Variants in RYR2 observed in about 807,000 individuals in gnomAD.
The protein encoded by RYR2 is cardiac muscle ryanodine receptor-calcium release channel.
Under a neutral mutation model 601.1 loss-of-function variants are expected in RYR2, and 227 were observed. The observed-to-expected ratio is 0.38, with a 90% CI of 0.34 to 0.42. The LOEUF (loss-of-function observed/expected upper bound fraction) is 0.42. Ranked by LOEUF, RYR2 falls within the 10% of genes least tolerant of loss-of-function variation. RYR2 has a pLI of 1.00. For synonymous variants in RYR2, 2,223 were observed against 2,175.1 expected (o/e 1.02, Z -0.61); for missense variants, 4,646 against 6,156.5 (o/e 0.75, Z 8.21).
At position 237,638,401 on chromosome 1, in the gene RYR2, G is replaced by T. The variant is rs748913885; in HGVS notation, c.6837G>T (p.Met2279Ile). 6.2e-7 allele frequency: 1 copy of T among 1,613,978 alleles called. No homozygotes were observed. The highest frequency in any genetic ancestry group is 8.5e-7 in the Non-Finnish European group (1 of 1,179,858). The part of the protein sequence containing the change: ...LAGCGLQSCQ[M>I]LVSKGYPDIG... Reference sequence around the variant, plus strand: ...GTTGTGGACTGCAAAGTTGCCAGATGCTGGTGTCTAAGGGCTATCCAGACA... The same window carrying T: ...GTTGTGGACTGCAAAGTTGCCAGATTCTGGTGTCTAAGGGCTATCCAGACA... The change falls in exon 45 of 105, where the codon ATG becomes ATT. Residue 2279 changes from methionine (M) to isoleucine (I), a missense_variant. Physicochemically the swap from Met to Ile is conservative, Grantham distance 10 (BLOSUM62 1). Around this residue, in one of 17 missense-constraint regions of RYR2, gnomAD observed 137 missense variants for 273.6 expected, o/e 0.50. Coordinates refer to ENST00000366574, the MANE Select transcript of RYR2 (RefSeq NM_001035.3).
chr1:237,593,634 A>C lies in RYR2; in HGVS notation c.4434A>C (p.Glu1478Asp), dbSNP rs768594011. 8 of 1,613,634 alleles carry C rather than the reference A, an allele frequency of 5.0e-6. No individual in the cohort carries two copies. The highest frequency in any genetic ancestry group is 6.8e-6 in the Non-Finnish European group (8 of 1,179,754). ...GAGATGAAAAAGGAAAAGTGCATGAAAGGTTAGTTTTCCTCAATTTTTTGC... is the reference window on the plus strand; with the variant it reads ...GAGATGAAAAAGGAAAAGTGCATGACAGGTTAGTTTTCCTCAATTTTTTGC... ...TLGDEKGKVH[E>D]SIKRSNCYMV... Residue 1478 changes from glutamate to aspartate, a missense_variant and splice_region_variant, in exon 33 of 105, where the codon GAA (glutamate) becomes GAC (aspartate). Physicochemically the swap from Glu to Asp is conservative, Grantham distance 45. Coordinates refer to ENST00000366574, the MANE Select transcript of RYR2 (RefSeq NM_001035.3).
chr1:237,516,100 C>T (rs1314166290), intron 24 of RYR2, among the ~76,000 whole-genome samples: 1 of 151,490 alleles, frequency 6.6e-6, no homozygotes. Context: ...AACAATCTTC[C>T]CAACTTACTT....
At chr1:237,320,523 T>C (rs906208642) in intron 2 of RYR2, among the ~76,000 whole-genome samples, 13 of 152,336 alleles carry the variant, frequency 8.5e-5, no homozygotes, top group African/African-American at 3.1e-4. Flanking sequence ...CTGAAGTACC[T>C]CCAGATCACC....
At chr1:237,665,550 C>T (rs933355586) in intron 56 of RYR2, among the ~76,000 whole-genome samples, 25 of 152,126 alleles carry the variant, frequency 1.6e-4, no homozygotes, top group South Asian at 8.3e-4. Flanking sequence ...ATAGATAAAA[C>T]GGGATGCTCA....
intron 93 of RYR2, 87 bp downstream of exon 93, chr1:237,791,602 T>C: frequency 1.4e-6 from 1 of 735,400 alleles, no homozygotes. Context: ...TATCTACTAC[T>C]GCTAGTGAAC....
At chr1:237,089,274 G>A (rs1666693902) in intron 1 of RYR2, among the ~76,000 whole-genome samples, 1 of 152,200 alleles carries the variant, frequency 6.6e-6, no homozygotes, top group South Asian at 2.1e-4. Flanking sequence ...GCCTGTTTGA[G>A]AATAAGCAGA....
At chr1:237,477,054 C>A (rs1661486573) in intron 17 of RYR2, among the ~76,000 whole-genome samples, 1 of 152,072 alleles carries the variant, frequency 6.6e-6, no homozygotes, top group African/African-American at 2.4e-5. Context: ...TCTCGTAAAA[C>A]CCACCAAATC....
At chr1:237,465,402 CTT>C (rs1659962143) in intron 16 of RYR2, among the ~76,000 whole-genome samples, 1 of 152,058 alleles carries the variant, frequency 6.6e-6, no homozygotes, top group Admixed American at 6.6e-5. Context: ...AAGAGTTCCT[CTT>C]GTTTTGTGAT....
chr1:237,067,196 T>G (rs1663758268), intron 1 of RYR2, among the ~76,000 whole-genome samples: 1 of 152,166 alleles, frequency 6.6e-6, no homozygotes, highest in Non-Finnish European at 1.5e-5. Context: ...TTGTGCTTTT[T>G]TTTGCCCCAT....
rs184250350 is a variant in RYR2, at chr1:237,157,227, C to T, written c.49-113270C>T. Among the ~76,000 whole-genome samples the T allele has an allele frequency of 5.6e-4, 71 of 126,754 alleles. No homozygotes were observed. The South Asian group carries it at 7.9e-3, about 14-fold the overall frequency. The allele number at this position is 126,754 out of a possible 152,430, so 83.2% of individuals were successfully genotyped here. ...AGGAGAATCACTTGAACCCAGGAGG[C>T]GGAGGTTGCAGTGAGCCAAGATCAC... On this transcript the variant is annotated intron_variant, in intron 1 of 104. Transcript: ENST00000366574.
At chr1:237,230,914 G>A (rs957499633) in intron 1 of RYR2, among the ~76,000 whole-genome samples, 2 of 102,670 alleles carry the variant, frequency 1.9e-5, no homozygotes, top group Non-Finnish European at 3.9e-5. Flanking sequence ...GGGTGATAGA[G>A]AGAGACTCGT....
intron 101 of RYR2, among the ~76,000 whole-genome samples, chr1:237,826,609 G>A (rs771418816): frequency 1.3e-5 from 2 of 151,516 alleles, no homozygotes; most frequent in African/African-American, 2.4e-5. Context: ...AAACCTGCAC[G>A]TTCTGCACGT....
At chr1:237,429,959 ATATAT>A (rs1376330446) in intron 12 of RYR2, among the ~76,000 whole-genome samples, 1 of 151,980 alleles carries the variant, frequency 6.6e-6, no homozygotes, top group East Asian at 1.9e-4. Context: ...AGCTGTCAAA[ATATAT>A]TAATCTGGAA....
intron 63 of RYR2, among the ~76,000 whole-genome samples, chr1:237,694,654 C>T (rs979377673): frequency 2.0e-5 from 3 of 152,048 alleles, no homozygotes; most frequent in African/African-American, 7.2e-5. Context: ...AGTATTAGAG[C>T]GATACAGATA....
chr1:237,311,473 G>GA (rs1204177883), intron 2 of RYR2, among the ~76,000 whole-genome samples: 1 of 149,664 alleles, frequency 6.7e-6, no homozygotes, highest in African/African-American at 2.5e-5. Flanking sequence ...AATGACCTGA[G>GA]AAAAAATCCT....
At chr1:237,270,202 C>A in intron 1 of RYR2, 2 of 485,030 alleles carry the variant, frequency 4.1e-6, no homozygotes, top group Non-Finnish European at 7.8e-6. Flanking sequence ...CTGTATTTTA[C>A]TTTTATTTGT....
intron 1 of RYR2, among the ~76,000 whole-genome samples, chr1:237,056,411 C>G (rs35432926): frequency 7.1e-3 from 466 of 65,396 alleles, no homozygotes; most frequent in Middle Eastern, 0.018. Context: ...GTGAGGACTG[C>G]AGCACTGCAC....
At chr1:237,745,941 A>G (rs1003220583) in intron 80 of RYR2, among the ~76,000 whole-genome samples, 1 of 151,642 alleles carries the variant, frequency 6.6e-6, no homozygotes, top group Non-Finnish European at 1.5e-5. Context: ...TCTCCATCTG[A>G]TTTGGGACTA....
chr1:237,727,285 T>C, intron 76 of RYR2, 86 bp downstream of exon 76: 2 of 534,440 alleles, frequency 3.7e-6, no homozygotes, highest in East Asian at 3.0e-5. Context: ...TTAATAGGGG[T>C]ACAATAGTCC....
Sources: allele counts gnomAD v4.1 joint callset (sites outside exome capture counted in the v4.1 genomes callset), GRCh38; gene constraint gnomAD v4.1.1; regional missense constraint gnomAD v4.1.1; transcripts MANE v1.5; gene names NCBI Gene and HGNC (gene_info 2026-07-23, HGNC 2026-07-21).